The following PAK4 variants were observed in gnomAD, a reference collection of about 807,000 sequenced individuals.
PAK4 encodes the protein serine/threonine-protein kinase PAK 4.
PAK4 carries 49 observed loss-of-function variants against 53.5 expected under a neutral mutation model. That is an observed-to-expected ratio of 0.92 (90% CI 0.73 to 1.16). The LOEUF (loss-of-function observed/expected upper bound fraction) is 1.16. Among genes scored for constraint, PAK4 ranks in the 50% most tolerant of loss-of-function variants. The pLI is 0.00. For missense variants in PAK4, 824 were observed against 850.7 expected (o/e 0.97, Z 0.39); for synonymous variants, 376 against 375.6 (o/e 1.00, Z -0.01).
chr19:39,182,218 T>G (rs930212874), downstream of PAK4: 2 of 152,062 alleles, frequency 1.3e-5, no homozygotes, highest in Admixed American at 1.3e-4. Context: ...TTCCTTATGC[T>G]CCCAAGTGGG....
chr19:39,135,786 G>GCTCCC (rs1825351713), intron 1 of PAK4, among the ~76,000 whole-genome samples: 1 of 148,932 alleles, frequency 6.7e-6, no homozygotes, highest in South Asian at 2.2e-4. Context: ...GAGGCTCCCG[G>GCTCCC]CCCCCATCTT....
At chr19:39,131,634 C>T (rs776861567) in intron 1 of PAK4, among the ~76,000 whole-genome samples, 14 of 152,202 alleles carry the variant, frequency 9.2e-5, no homozygotes, top group Non-Finnish European at 1.9e-4. Context: ...ACTCTCCCAT[C>T]CCAGGGGAGC....
At chr19:39,141,744 C>G (rs530529582) in intron 1 of PAK4, among the ~76,000 whole-genome samples, 2 of 150,078 alleles carry the variant, frequency 1.3e-5, no homozygotes, top group Admixed American at 6.6e-5. Context: ...AAGCACTTCT[C>G]CCTGCCTCAG....
At chr19:39,126,109 A>G (rs2073571627) in intron 1 of PAK4, among the ~76,000 whole-genome samples, 190 bp downstream of exon 1, 1 of 151,712 alleles carries the variant, frequency 6.6e-6, no homozygotes, top group Non-Finnish European at 1.5e-5. Context: ...CAAACCAGCG[A>G]AGGGGGCGTG....
intron 1 of PAK4, among the ~76,000 whole-genome samples, chr19:39,131,386 G>A (rs955322458): frequency 2.0e-5 from 3 of 152,190 alleles, no homozygotes; most frequent in Admixed American, 6.5e-5. Context: ...CCACTGGCTC[G>A]TGGTGAGCCA....
At chr19:39,136,247 T>TCCGCACACAGCCAGAGGTAG (rs1182568637) in intron 1 of PAK4, among the ~76,000 whole-genome samples, 195 of 151,450 alleles carry the variant, frequency 1.3e-3, no homozygotes, top group African/African-American at 4.5e-3. Flanking sequence ...CCCACAGTTG[T>TCCGCACACAGCCAGAGGTAG]CCGCACACAG....
At chr19:39,126,697 C>G (rs2073589823) in intron 1 of PAK4, among the ~76,000 whole-genome samples, 1 of 152,128 alleles carries the variant, frequency 6.6e-6, no homozygotes, top group Admixed American at 6.5e-5. Context: ...CTCCGGAGTT[C>G]TGGCCCAGAG....
At position 39,173,833 on chromosome 19, in the gene PAK4, C is replaced by A; in HGVS notation, c.921C>A (p.Ala307=). Reference sequence around the variant, plus strand: ...TATCCCATGAGCAGTTCCGGGCTGCCCTGCAGCTGGTGGTGGACCCAGGCG... The same window carrying A: ...TATCCCATGAGCAGTTCCGGGCTGCACTGCAGCTGGTGGTGGACCCAGGCG... Residue 307 remains alanine (A), a synonymous_variant, in exon 4 of 9, where the codon GCC becomes GCA. Coordinates refer to ENST00000358301, the Ensembl canonical transcript of PAK4. This position sits in a 1 kb window ranked among gnomAD's most constrained non-coding sequence, Gnocchi z 6.9. 1 of 1,612,572 alleles carries A rather than the reference C, an allele frequency of 6.2e-7. No homozygotes were observed. Among genetic ancestry groups the A allele is most frequent in the East Asian group, 2.2e-5 (1 of 44,848 alleles).
intron 1 of PAK4, among the ~76,000 whole-genome samples, chr19:39,132,542 C>T (rs1304278386): frequency 2.0e-5 from 3 of 152,272 alleles, no homozygotes; most frequent in Non-Finnish European, 2.9e-5. Context: ...CACGCACACG[C>T]GTGCCCCCAC....
At chr19:39,147,293 C>T (rs2074016856) in intron 1 of PAK4, among the ~76,000 whole-genome samples, 1 of 152,136 alleles carries the variant, frequency 6.6e-6, no homozygotes, top group South Asian at 2.1e-4. Context: ...TGACTTTATC[C>T]CCTCAGCATG....
chr19:39,162,131 T>G (rs1393232837), intron 1 of PAK4, among the ~76,000 whole-genome samples: 4 of 151,296 alleles, frequency 2.6e-5, no homozygotes, highest in Non-Finnish European at 5.9e-5. Flanking sequence ...GGCTAATTTT[T>G]TGTATTTTTA....
intron 1 of PAK4, among the ~76,000 whole-genome samples, chr19:39,129,967 G>T (rs1180546928): frequency 6.6e-6 from 1 of 152,170 alleles, no homozygotes; most frequent in Non-Finnish European, 1.5e-5. Context: ...AACCAACACA[G>T]CCCAGCTCTA....
intron 1 of PAK4, among the ~76,000 whole-genome samples, chr19:39,135,398 C>T (rs1019972690): frequency 1.4e-5 from 2 of 142,894 alleles, no homozygotes; most frequent in Admixed American, 7.5e-5. Context: ...TGCAGCAGCG[C>T]GATCTCAGCT....
intron 1 of PAK4, among the ~76,000 whole-genome samples, chr19:39,136,017 AC>A (rs74176489): frequency 6.2e-5 from 4 of 64,628 alleles, no homozygotes; most frequent in Middle Eastern, 6.4e-3. Flanking sequence ...CTTCTTCGTC[AC>A]CCCCCTTCCT....
At chr19:39,165,760 C>T (rs1332788980) in intron 1 of PAK4, among the ~76,000 whole-genome samples, 10 of 152,034 alleles carry the variant, frequency 6.6e-5, no homozygotes, top group Non-Finnish European at 1.2e-4. Context: ...TTTTCCCATT[C>T]ATGAATTGGG....
chr19:39,132,445 G>A (rs555492646), intron 1 of PAK4, among the ~76,000 whole-genome samples: 12 of 152,292 alleles, frequency 7.9e-5, no homozygotes, highest in Non-Finnish European at 1.3e-4. Context: ...CAAATGGAGC[G>A]GACTTCCCAT....
chr19:39,177,850 G>C, intron 8 of PAK4, 41 bp downstream of exon 9: 1 of 1,580,048 alleles, frequency 6.3e-7, no homozygotes, highest in Admixed American at 1.8e-5. Context: ...GCCAGCTGGC[G>C]GGTGGCAGGG....
At chr19:39,128,182 G>A (rs545386880) in intron 1 of PAK4, among the ~76,000 whole-genome samples, 1 of 152,332 alleles carries the variant, frequency 6.6e-6, no homozygotes, top group East Asian at 1.9e-4. Flanking sequence ...TGTTAGCGCT[G>A]CCTCATAGAA....
At chr19:39,141,836 A>C (rs2073915471) in intron 1 of PAK4, among the ~76,000 whole-genome samples, 1 of 152,052 alleles carries the variant, frequency 6.6e-6, no homozygotes, top group Admixed American at 6.6e-5. Context: ...AGAGTTTCCT[A>C]GGCTGGTCTC....
Sources: gnomAD v4.1 joint callset for allele counts (sites outside exome capture counted in the v4.1 genomes callset) on GRCh38, gnomAD v4.1.1 for gene constraint, Gnocchi (gnomAD v3.1) non-coding constraint, MANE v1.5 for transcripts, NCBI Gene and HGNC (gene_info 2026-07-23, HGNC 2026-07-21) for gene names.